Variants in UTRN observed in about 807,000 individuals in gnomAD.
The protein encoded by UTRN is dystrophin-related protein 1.
Under a neutral mutation model 463.9 loss-of-function variants are expected in UTRN, and 283 were observed. The observed-to-expected ratio is 0.61, with a 90% CI of 0.55 to 0.67. The LOEUF (loss-of-function observed/expected upper bound fraction) is 0.67, where lower values mean the gene tolerates loss of function less well. Among genes scored for constraint, UTRN ranks in the 30% least tolerant of loss-of-function variants. UTRN has a pLI of 0.00. For synonymous variants in UTRN, 1,442 were observed against 1,431.5 expected (o/e 1.01, Z -0.17); for missense variants, 3,922 against 4,084.3 (o/e 0.96, Z 1.08).
At chr6:144,714,051 T>C (rs1294813315) in intron 53 of UTRN, among the ~76,000 whole-genome samples, 1 of 152,150 alleles carries the variant, frequency 6.6e-6, no homozygotes, top group Non-Finnish European at 1.5e-5. Flanking sequence ...GTCACTGGGG[T>C]GGAACCAAAA....
chr6:144,671,842 A>G (rs913661999), intron 51 of UTRN, among the ~76,000 whole-genome samples: 26 of 152,002 alleles, frequency 1.7e-4, no homozygotes, highest in African/African-American at 6.0e-4. Flanking sequence ...GTCTATGCCA[A>G]TTTTGCTGAG....
chr6:144,788,115 G>A (rs907842284), intron 61 of UTRN, among the ~76,000 whole-genome samples: 4 of 152,002 alleles, frequency 2.6e-5, no homozygotes, highest in African/African-American at 9.7e-5. Flanking sequence ...TCATCTGGTC[G>A]ACTTATAAGT....
At chr6:144,317,146 G>C (rs531437374) in intron 2 of UTRN, among the ~76,000 whole-genome samples, 53 of 152,304 alleles carry the variant, frequency 3.5e-4, no homozygotes, top group African/African-American at 1.3e-3. Flanking sequence ...AAATAAGGCA[G>C]TTTGTGTTTC....
At chr6:144,523,510 A>G (rs920674590) in intron 41 of UTRN, among the ~76,000 whole-genome samples, 15 of 152,172 alleles carry the variant, frequency 9.9e-5, no homozygotes, top group African/African-American at 3.6e-4. Flanking sequence ...GGGTTTCACC[A>G]TGTTGGCCAG....
At position 144,458,941 on chromosome 6, in the gene UTRN, A is replaced by G. The variant is rs1789139264; in HGVS notation, c.2456A>G (p.Glu819Gly). Reference sequence around the variant, plus strand: ...GAAAAGGTCATCAAGACAAAGGAGGAGTGGGTAAAACACACTTCCATTTCT... The same window carrying G: ...GAAAAGGTCATCAAGACAAAGGAGGGGTGGGTAAAACACACTTCCATTTCT... Reference protein sequence around the residue: ...ELEKVIKTKEEWVKHTSISES... With the variant: ...ELEKVIKTKEGWVKHTSISES... The change falls in exon 20 of 75, where the codon GAG (glutamate) becomes GGG (glycine). Residue 819 changes from glutamate to glycine, a missense_variant. By Grantham distance (98) the Glu-to-Gly change is moderately conservative. Coordinates refer to ENST00000367545, the MANE Select transcript of UTRN (RefSeq NM_007124.3). 6.2e-7 allele frequency: 1 copy of G among 1,613,798 alleles called. No individual in the cohort carries two copies. The highest frequency in any genetic ancestry group is 8.5e-7 in the Non-Finnish European group (1 of 1,179,962).
At chr6:144,470,646 A>T (rs954353489) in intron 23 of UTRN, among the ~76,000 whole-genome samples, 1 of 152,116 alleles carries the variant, frequency 6.6e-6, no homozygotes, top group Non-Finnish European at 1.5e-5. Context: ...AGAGGCTGCA[A>T]TCTCGGCACT....
chr6:144,449,459 T>C (rs1788031747), intron 17 of UTRN, among the ~76,000 whole-genome samples: 1 of 152,188 alleles, frequency 6.6e-6, no homozygotes, highest in Non-Finnish European at 1.5e-5. Context: ...CTGCGATCAT[T>C]GCATCACTCT....
At chr6:144,429,477 A>G in intron 8 of UTRN, 104 bp from the exon 9 acceptor site, 1 of 995,614 alleles carries the variant, frequency 1.0e-6, no homozygotes. Context: ...TATATTAGGT[A>G]TTGTTTATGG....
intron 51 of UTRN, among the ~76,000 whole-genome samples, chr6:144,631,651 C>G (rs996858044): frequency 6.6e-6 from 1 of 152,078 alleles, no homozygotes; most frequent in African/African-American, 2.4e-5. Flanking sequence ...TTCAAAAGAG[C>G]GTAGAATATT....
chr6:144,799,566 A>T (rs1777538191), intron 64 of UTRN: 1 of 463,378 alleles, frequency 2.2e-6, no homozygotes. Flanking sequence ...GAATAGCTGG[A>T]ATGTGGCAAG....
At chr6:144,402,721 T>G (rs1488654665) in intron 2 of UTRN, among the ~76,000 whole-genome samples, 1 of 152,202 alleles carries the variant, frequency 6.6e-6, no homozygotes, top group Non-Finnish European at 1.5e-5. Context: ...ATTGGATAAC[T>G]TTAATTTTTG....
rs1467639632 is a variant in UTRN at position 144,433,367 on chromosome 6, C to T, written c.856-2568C>T. On this transcript the variant is annotated intron_variant, in intron 9 of 74. Coordinates refer to ENST00000367545, the MANE Select transcript of UTRN (RefSeq NM_007124.3). ...GGGCGGCTGGCCTGGCGGGGGCTGA[C>T]CCCCACCTCCCTCCCGGACGGGGTG... Among the ~76,000 whole-genome samples, 30 of 150,108 alleles carry T rather than the reference C, an allele frequency of 2.0e-4. No individual in the cohort carries two copies. In the East Asian group the frequency reaches 5.4e-3, roughly 27 times the overall value.
At chr6:144,715,426 C>G (rs1786297142) in intron 53 of UTRN, among the ~76,000 whole-genome samples, 1 of 152,182 alleles carries the variant, frequency 6.6e-6, no homozygotes, top group African/African-American at 2.4e-5. Context: ...GGCTTCCTAA[C>G]TTATTCAGAG....
chr6:144,672,677 G>C (rs923485889), intron 51 of UTRN, among the ~76,000 whole-genome samples: 1 of 151,876 alleles, frequency 6.6e-6, no homozygotes, highest in Non-Finnish European at 1.5e-5. Flanking sequence ...ATTTAGTCCT[G>C]CTCTGATCTT....
intron 2 of UTRN, among the ~76,000 whole-genome samples, chr6:144,366,579 C>G (rs1009503961): frequency 9.9e-5 from 15 of 152,160 alleles, no homozygotes; most frequent in African/African-American, 3.4e-4. Context: ...ATAACATGAT[C>G]TCATTCTATT....
chr6:144,690,072 C>CTTTTTTTTTTTTT lies in UTRN; in HGVS notation c.7653-10014_7653-10013insTTTTTTTTTTTTT, dbSNP rs1428641511. Among the ~76,000 whole-genome samples, 2 of 35,654 alleles carry CTTTTTTTTTTTTT rather than the reference C, an allele frequency of 5.6e-5. 1 individual carries two copies. Among genetic ancestry groups the CTTTTTTTTTTTTT allele is most frequent in the African/African-American group, 2.5e-4 (2 of 8,138 alleles). The allele number at this position is 35,654 out of a possible 152,430, so 23.4% of individuals were successfully genotyped here. ...GGGGCCATAGAGCTCCCAAAAGTTTCTGTTTTTTTTTTTTTTTTTTTTTTG... is the reference window on the plus strand; with the variant it reads ...GGGGCCATAGAGCTCCCAAAAGTTTCTTTTTTTTTTTTTTGTTTTTTTTTTTTTTTTTTTTTTG... On this transcript the variant is annotated intron_variant, in intron 52 of 74. Transcript: ENST00000367545.
intron 2 of UTRN, among the ~76,000 whole-genome samples, chr6:144,362,399 C>T (rs1407062333): frequency 6.6e-6 from 1 of 152,198 alleles, no homozygotes; most frequent in Non-Finnish European, 1.5e-5. Flanking sequence ...AGTCACATAG[C>T]TGTATTTTTC....
At chr6:144,730,307 T>C (rs1207676168) in intron 53 of UTRN, 50 bp from the exon 54 acceptor site, 2 of 1,482,122 alleles carry the variant, frequency 1.3e-6, no homozygotes, top group Non-Finnish European at 1.8e-6. Flanking sequence ...GTCCCATAAT[T>C]TGGTGAACAC....
chr6:144,384,854 C>T (rs1386666154), intron 2 of UTRN, among the ~76,000 whole-genome samples: 2 of 152,160 alleles, frequency 1.3e-5, no homozygotes, highest in Non-Finnish European at 2.9e-5. Flanking sequence ...TTGTGAATAG[C>T]GTTCCTATTA....
Sources: allele counts gnomAD v4.1 joint callset (sites outside exome capture counted in the v4.1 genomes callset), GRCh38; gene constraint gnomAD v4.1.1; transcripts MANE v1.5; gene names NCBI Gene and HGNC (gene_info 2026-07-23, HGNC 2026-07-21).